FOXO1: variants seen among roughly 807,000 people sequenced by gnomAD.
FOXO1 encodes the protein forkhead box protein O1.
FOXO1 carries 6 observed loss-of-function variants against 44.1 expected under a neutral mutation model. That is an observed-to-expected ratio of 0.14 (90% confidence interval 0.07 to 0.27). FOXO1 has a LOEUF of 0.27. Among genes scored for constraint, FOXO1 ranks in the 10% least tolerant of loss-of-function variants. The pLI, the probability that FOXO1 is intolerant of heterozygous loss-of-function variation, is 1.00. For missense variants in FOXO1, 737 were observed against 888.8 expected (o/e 0.83, Z 2.17); for synonymous variants, 380 against 362.7 (o/e 1.05, Z -0.54).
intron 1 of FOXO1, among the ~76,000 whole-genome samples, chr13:40,635,030 C>T (rs1877100277): frequency 6.6e-6 from 1 of 152,136 alleles, no homozygotes; most frequent in African/African-American, 2.4e-5. Context: ...ATCAATTTAG[C>T]ATCATTCATT....
chr13:40,648,974 G>A (rs1200301665), intron 1 of FOXO1, among the ~76,000 whole-genome samples: 4 of 152,158 alleles, frequency 2.6e-5, no homozygotes, highest in African/African-American at 4.8e-5. Flanking sequence ...GCAGGTCTGC[G>A]GGAAAGTGGC....
chr13:40,624,031 G>T (rs145988359), intron 1 of FOXO1, among the ~76,000 whole-genome samples: 1 of 151,924 alleles, frequency 6.6e-6, no homozygotes, highest in South Asian at 2.1e-4. Context: ...TTGAGCCCAG[G>T]AGTTTGAGGC....
At chr13:40,603,487 T>C (rs1024633826) in intron 1 of FOXO1, among the ~76,000 whole-genome samples, 16 of 152,122 alleles carry the variant, frequency 1.1e-4, no homozygotes, top group Non-Finnish European at 2.4e-4. Context: ...TATATATGTA[T>C]TCCTTAAACA....
chr13:40,625,658 T>TAA (rs35880404), intron 1 of FOXO1, among the ~76,000 whole-genome samples: 16 of 146,914 alleles, frequency 1.1e-4, no homozygotes, highest in Admixed American at 4.7e-4. Flanking sequence ...GCTTTCACTT[T>TAA]AAAAAAAAAA....
chr13:40,580,979 G>A (rs1874934800), intron 1 of FOXO1, among the ~76,000 whole-genome samples: 1 of 152,236 alleles, frequency 6.6e-6, no homozygotes, highest in South Asian at 2.1e-4. Flanking sequence ...CTAGCTAGAT[G>A]TGGGCCTTCT....
chr13:40,576,991 C>T (rs1428227541), intron 1 of FOXO1, among the ~76,000 whole-genome samples: 1 of 152,182 alleles, frequency 6.6e-6, no homozygotes, highest in African/African-American at 2.4e-5. Context: ...GAAATAATGG[C>T]CTACAATGTA....
At chr13:40,644,423 T>G (rs1023076529) in intron 1 of FOXO1, among the ~76,000 whole-genome samples, 1 of 151,972 alleles carries the variant, frequency 6.6e-6, no homozygotes, top group Non-Finnish European at 1.5e-5. Flanking sequence ...AAAAATTTAC[T>G]AGGAGAGAAA....
At chr13:40,564,641 G>A (rs759847607) in intron 1 of FOXO1, among the ~76,000 whole-genome samples, 16 of 152,226 alleles carry the variant, frequency 1.1e-4, no homozygotes, top group South Asian at 2.1e-4. Context: ...GCAGAGCCGC[G>A]TGAGACTGCT....
intron 1 of FOXO1, among the ~76,000 whole-genome samples, chr13:40,583,213 T>C (rs1875022877): frequency 1.3e-5 from 2 of 152,228 alleles, no homozygotes; most frequent in Admixed American, 6.5e-5. Flanking sequence ...CAGTAAGCCA[T>C]GCTGTAAACA....
chr13:40,594,432 A>G (rs1354427350), intron 1 of FOXO1, among the ~76,000 whole-genome samples: 1 of 152,132 alleles, frequency 6.6e-6, no homozygotes. Flanking sequence ...AGACAAAGTT[A>G]TTTGCCCAGT....
At position 40,560,592 on chromosome 13, in the gene FOXO1, C is replaced by G. The variant is rs753294504; in HGVS notation, c.899G>C (p.Gly300Ala). 3.7e-6 allele frequency: 6 copies of G among 1,614,162 alleles called. No homozygotes were observed. The South Asian group carries it at 5.5e-5, about 15-fold the overall frequency. ...SQFSKWPASP[G>A]SHSNDDFDNW... ...ATCAAAGTCATCATTGCTGTGAGAG[C>G]CAGGGCTTGCAGGCCATTTGGAAAA... The change falls in exon 2 of 3, where the codon GGC becomes GCC. Residue 300 changes from glycine to alanine, a missense_variant. This residue lies in a region of FOXO1 where 136 missense variants were observed against 186.4 expected (regional missense o/e 0.73). Transcript: ENST00000379561. This position sits in a 1 kb window ranked among gnomAD's most constrained non-coding sequence, Gnocchi z 5.1.
chr13:40,655,932 C>T (rs192535103), intron 1 of FOXO1, among the ~76,000 whole-genome samples: 5 of 152,240 alleles, frequency 3.3e-5, no homozygotes, highest in African/African-American at 9.6e-5. Context: ...CCACCGCGCC[C>T]GGACAGCTCT....
intron 1 of FOXO1, among the ~76,000 whole-genome samples, chr13:40,642,218 T>C (rs1015720816): frequency 6.6e-6 from 1 of 152,224 alleles, no homozygotes; most frequent in African/African-American, 2.4e-5. Context: ...GTAACTTCAC[T>C]GCTTTGAAAA....
intron 1 of FOXO1, among the ~76,000 whole-genome samples, chr13:40,592,085 C>A (rs1200561241): frequency 1.3e-5 from 2 of 152,206 alleles, no homozygotes; most frequent in African/African-American, 4.8e-5. Context: ...TAAATCACTA[C>A]ACTTGAATTC....
chr13:40,567,389 T>C lies in FOXO1; in HGVS notation c.631-6529A>G, dbSNP rs376888660. 3.3e-5 allele frequency among the ~76,000 whole-genome samples: 5 copies of C among 152,030 alleles called. No homozygotes were observed. The East Asian group carries it at 9.7e-4, about 29-fold the overall frequency. On this transcript the variant is annotated intron_variant, in intron 1 of 2. Transcript: ENST00000379561. ...CTGTCAATACATCTCATTCCATCCT[T>C]GCAACAGCCCTATAAGGCAGGTATT...
chr13:40,565,791 T>C (rs1241954727), intron 1 of FOXO1, among the ~76,000 whole-genome samples: 1 of 152,260 alleles, frequency 6.6e-6, no homozygotes, highest in Non-Finnish European at 1.5e-5. Flanking sequence ...ACTGGCATAA[T>C]AGCATCCATA....
chr13:40,575,609 T>C (rs1321508148), intron 1 of FOXO1, among the ~76,000 whole-genome samples: 1 of 152,240 alleles, frequency 6.6e-6, no homozygotes, highest in Non-Finnish European at 1.5e-5. Context: ...TTATTTCCAT[T>C]CACATTTCAA....
intron 1 of FOXO1, among the ~76,000 whole-genome samples, chr13:40,581,892 T>C (rs1159368316): frequency 6.6e-6 from 1 of 152,208 alleles, no homozygotes; most frequent in Non-Finnish European, 1.5e-5. Context: ...GTGGACCCCA[T>C]CTATCAGCAC....
chr13:40,645,460 G>C (rs570945265), intron 1 of FOXO1, among the ~76,000 whole-genome samples: 1 of 151,992 alleles, frequency 6.6e-6, no homozygotes, highest in Non-Finnish European at 1.5e-5. Context: ...TCATGTTCAC[G>C]CCCAGGGTGA....
Sources: allele counts gnomAD v4.1 joint callset (sites outside exome capture counted in the v4.1 genomes callset), GRCh38; gene constraint gnomAD v4.1.1; regional missense constraint gnomAD v4.1.1; non-coding constraint Gnocchi (gnomAD v3.1); transcripts MANE v1.5; gene names NCBI Gene and HGNC (gene_info 2026-07-23, HGNC 2026-07-21).